HMGCLL1: variants seen among roughly 807,000 people sequenced by gnomAD.
HMGCLL1 encodes the protein 3-hydroxy-3-methylglutaryl-CoA lyase like 1.
In HMGCLL1, 36 loss-of-function variants were observed where a neutral mutation model predicts 39.1. That is an observed-to-expected ratio of 0.92 (90% CI 0.71 to 1.22). The LOEUF (loss-of-function observed/expected upper bound fraction) is 1.22. HMGCLL1 is among the 50% of genes most tolerant of loss of function. HMGCLL1 has a pLI of 0.00. For synonymous variants in HMGCLL1, 149 were observed against 144.0 expected, an observed-to-expected ratio of 1.03 and a Z score of -0.25; for missense variants, 451 against 416.5, an observed-to-expected ratio of 1.08 and a Z score of -0.72.
intron 1 of HMGCLL1, chr6:55,576,955 A>G: frequency 7.7e-7 from 1 of 1,304,860 alleles, no homozygotes; most frequent in South Asian, 1.5e-5. Context: ...TTCAAGAGAA[A>G]TAGGGGAATG....
intron 8 of HMGCLL1, among the ~76,000 whole-genome samples, chr6:55,438,900 A>G (rs1168883833): frequency 2.6e-5 from 4 of 152,076 alleles, no homozygotes; most frequent in Non-Finnish European, 4.4e-5. Flanking sequence ...ATGTGGTTAC[A>G]TAGCACGTGA....
rs1766530546 is a variant in HMGCLL1 at position 55,495,532 on chromosome 6, T to C, written c.682A>G (p.Ser228Gly). The C allele has an allele frequency of 6.2e-7, 1 of 1,613,658 alleles. No homozygotes were observed. Among genetic ancestry groups the C allele is most frequent in the Non-Finnish European group, 8.5e-7 (1 of 1,179,596 alleles). The change falls in exon 7 of 9, where the codon AGT (serine) becomes GGT (glycine). Residue 228 changes from serine (S) to glycine (G), a missense_variant. By Grantham distance (56) the Ser-to-Gly change is moderately conservative. Transcript: ENST00000274901. ...GDTIGVGTPG[S>G]MKRMLESVMK... Reference sequence around the variant, plus strand: ...ACACTTTCCAACATTCTTTTCATACTTCCTGGAGTTCCCACTCCAATTGTG... The same window carrying C: ...ACACTTTCCAACATTCTTTTCATACCTCCTGGAGTTCCCACTCCAATTGTG...
chr6:55,594,009 T>C, the HMGCLL1 span, among the ~76,000 whole-genome samples: 1 of 152,208 alleles, frequency 6.6e-6, no homozygotes, highest in Non-Finnish European at 1.5e-5. Flanking sequence ...AGAGAAATTA[T>C]CACCAAATAT....
At chr6:55,540,438 GGA>G in intron 3 of HMGCLL1, among the ~76,000 whole-genome samples, 1 of 152,208 alleles carries the variant, frequency 6.6e-6, no homozygotes, top group Non-Finnish European at 1.5e-5. Flanking sequence ...AACATGATAA[GGA>G]GAGACATGAG....
intron 8 of HMGCLL1, among the ~76,000 whole-genome samples, chr6:55,436,033 G>C (rs1015983808): frequency 5.9e-5 from 9 of 151,756 alleles, no homozygotes; most frequent in African/African-American, 2.2e-4. Context: ...CATAATTCAG[G>C]CTGGTATCTA....
intron 5 of HMGCLL1, among the ~76,000 whole-genome samples, chr6:55,500,159 TCGAATATGGGGG>T (rs1214743758): frequency 1.1e-4 from 17 of 151,986 alleles, no homozygotes; most frequent in Non-Finnish European, 2.4e-4. Context: ...AGGCTGGAGA[TCGAATATGGGGG>T]TCACAATATG....
At chr6:55,536,964 T>A (rs1270871139) in intron 3 of HMGCLL1, among the ~76,000 whole-genome samples, 1 of 152,142 alleles carries the variant, frequency 6.6e-6, no homozygotes, top group Non-Finnish European at 1.5e-5. Flanking sequence ...AGAGAATTAA[T>A]AGAATACCAA....
intron 3 of HMGCLL1, among the ~76,000 whole-genome samples, chr6:55,532,627 C>T (rs1768748940): frequency 6.6e-6 from 1 of 151,752 alleles, no homozygotes; most frequent in African/African-American, 2.4e-5. Flanking sequence ...ATGGTGAAAC[C>T]TCGTCTGTAC....
intron 7 of HMGCLL1, among the ~76,000 whole-genome samples, chr6:55,494,843 TATA>T (rs1766493411): frequency 6.6e-6 from 1 of 152,118 alleles, no homozygotes; most frequent in South Asian, 2.1e-4. Flanking sequence ...TAACACAGAG[TATA>T]ATAAGCAATT....
intron 7 of HMGCLL1, among the ~76,000 whole-genome samples, chr6:55,485,223 T>G (rs1411215008): frequency 1.3e-5 from 2 of 152,114 alleles, no homozygotes; most frequent in Non-Finnish European, 2.9e-5. Context: ...TCCCATCTTC[T>G]GTATCTTACT....
At chr6:55,447,752 C>G (rs1053834673) in intron 7 of HMGCLL1, among the ~76,000 whole-genome samples, 54 of 151,998 alleles carry the variant, frequency 3.6e-4, no homozygotes, top group Non-Finnish European at 3.8e-4. Flanking sequence ...TAACACATGC[C>G]CATTTTACTC....
At chr6:55,628,696 G>A in the HMGCLL1 span, among the ~76,000 whole-genome samples, 23 of 152,144 alleles carry the variant, frequency 1.5e-4, no homozygotes, top group South Asian at 6.2e-4. Flanking sequence ...GAATTCCCAC[G>A]TGTTGTGGGA....
At chr6:55,635,102 G>A in the HMGCLL1 span, among the ~76,000 whole-genome samples, 1 of 151,850 alleles carries the variant, frequency 6.6e-6, no homozygotes, top group African/African-American at 2.4e-5. Flanking sequence ...AAAATGACCT[G>A]ATTCGTATAG....
At chr6:55,543,333 A>G (rs1440216024) in intron 1 of HMGCLL1, among the ~76,000 whole-genome samples, 1 of 26,180 alleles carries the variant, frequency 3.8e-5, no homozygotes, top group Non-Finnish European at 7.2e-5. Context: ...TATATTATAT[A>G]TCATATATGA....
chr6:55,524,976 TAG>T (rs1267549631), intron 3 of HMGCLL1, among the ~76,000 whole-genome samples: 1 of 150,604 alleles, frequency 6.6e-6, no homozygotes, highest in Non-Finnish European at 1.5e-5. Context: ...TTAATAGTAA[TAG>T]TAATAGTAAT....
chr6:55,568,037 C>T (rs1023135632), intron 1 of HMGCLL1, among the ~76,000 whole-genome samples: 15 of 152,054 alleles, frequency 9.9e-5, no homozygotes, highest in Non-Finnish European at 4.4e-5. Context: ...AAAATAAAAA[C>T]CTCCATGAAT....
chr6:55,477,177 T>C (rs1319799612), intron 7 of HMGCLL1, among the ~76,000 whole-genome samples: 1 of 38,366 alleles, frequency 2.6e-5, no homozygotes, highest in Non-Finnish European at 4.0e-5. Context: ...ATAATATATA[T>C]TATATTTATA....
intron 5 of HMGCLL1, among the ~76,000 whole-genome samples, chr6:55,505,614 T>G (rs1017165203): frequency 1.9e-4 from 29 of 151,808 alleles, no homozygotes; most frequent in African/African-American, 7.0e-4. Context: ...TGACTGATTT[T>G]ATTTCTCCTA....
intron 7 of HMGCLL1, among the ~76,000 whole-genome samples, chr6:55,457,535 G>C (rs555832232): frequency 3.9e-5 from 6 of 152,234 alleles, no homozygotes; most frequent in African/African-American, 1.4e-4. Flanking sequence ...GAAAAGGGCA[G>C]GAGAGAAATT....
Sources: gnomAD v4.1 joint callset for allele counts (sites outside exome capture counted in the v4.1 genomes callset) on GRCh38, gnomAD v4.1.1 for gene constraint, MANE v1.5 for transcripts, NCBI Gene and HGNC (gene_info 2026-07-23, HGNC 2026-07-21) for gene names.